Variants in PTPRN2 observed in about 807,000 individuals in gnomAD.
The protein encoded by PTPRN2 is receptor-type tyrosine-protein phosphatase N2.
In PTPRN2, 74 loss-of-function variants were observed where a neutral mutation model predicts 118.8. The ratio of observed to expected loss-of-function variants is 0.62; its 90% CI spans 0.52 to 0.76. The LOEUF (loss-of-function observed/expected upper bound fraction) is 0.76, where lower values mean the gene tolerates loss of function less well. Among genes scored for constraint, PTPRN2 ranks in the 30% least tolerant of loss-of-function variants. The probability of loss-of-function intolerance (pLI) is 0.00; values close to 1 mark genes in which losing one functional copy is unlikely to be tolerated. For synonymous variants in PTPRN2, 641 were observed against 608.0 expected (o/e 1.05, Z -0.80); for missense variants, 1,481 against 1,394.4 (o/e 1.06, Z -0.99).
At chr7:158,149,884 A>G (rs1212792359) in intron 6 of PTPRN2, among the ~76,000 whole-genome samples, 1 of 152,116 alleles carries the variant, frequency 6.6e-6, no homozygotes, top group African/African-American at 2.4e-5. Flanking sequence ...GATCTAAGTT[A>G]TGCTGAACAA....
At chr7:157,898,229 T>G (rs149898618) in intron 12 of PTPRN2, among the ~76,000 whole-genome samples, 1 of 152,380 alleles carries the variant, frequency 6.6e-6, no homozygotes, top group African/African-American at 2.4e-5. Flanking sequence ...ATGGAAGCAT[T>G]TCCTGTTTTA....
chr7:158,511,121 C>T (rs1482498421), intron 1 of PTPRN2, among the ~76,000 whole-genome samples: 1 of 152,182 alleles, frequency 6.6e-6, no homozygotes, highest in Non-Finnish European at 1.5e-5. Flanking sequence ...TTTCTGGCAC[C>T]TTTGACCCTG....
At chr7:157,670,986 T>C (rs1434220536) in intron 13 of PTPRN2, among the ~76,000 whole-genome samples, 1 of 152,100 alleles carries the variant, frequency 6.6e-6, no homozygotes, top group Non-Finnish European at 1.5e-5. Context: ...TCATGTGCCA[T>C]CCCTGTCATC....
intron 12 of PTPRN2, among the ~76,000 whole-genome samples, chr7:157,716,134 G>T (rs113905697): frequency 2.6e-5 from 4 of 152,380 alleles, no homozygotes; most frequent in African/African-American, 9.6e-5. Flanking sequence ...GGGGTGGGAG[G>T]TGGTGCCAGG....
chr7:158,132,639 CAG>C (rs1253421818), intron 9 of PTPRN2, among the ~76,000 whole-genome samples: 9 of 151,804 alleles, frequency 5.9e-5, no homozygotes, highest in Admixed American at 1.3e-4. Context: ...TACACAGATG[CAG>C]ATACACATCT....
rs191740301 is a variant in PTPRN2 at position 157,614,370 on chromosome 7, G to A, written c.2344+6992C>T. On this transcript the variant is annotated intron_variant, in intron 15 of 22. Transcript: ENST00000389418. Reference sequence around the variant, plus strand: ...CTACAGACTTCCACATGGAGAGTCTGTGATTGTTTGGAATGGGAAAGTGGT... The same window carrying A: ...CTACAGACTTCCACATGGAGAGTCTATGATTGTTTGGAATGGGAAAGTGGT... Among the ~76,000 whole-genome samples, 4 of 152,282 alleles carry A rather than the reference G, an allele frequency of 2.6e-5. No homozygotes were observed. The East Asian group carries it at 7.7e-4, about 29-fold the overall frequency.
At chr7:158,151,074 C>G (rs1409202146) in intron 6 of PTPRN2, among the ~76,000 whole-genome samples, 3 of 118,580 alleles carry the variant, frequency 2.5e-5, no homozygotes, top group Non-Finnish European at 5.5e-5. Flanking sequence ...CCTTTCCACT[C>G]TTGCCCCTGC....
rs1044515228 is a variant in PTPRN2, at chr7:158,555,090, A to G, written c.112+32468T>C. Among the ~76,000 whole-genome samples, 1 of 152,210 alleles carries G rather than the reference A, an allele frequency of 6.6e-6. No individual in the cohort carries two copies. The highest frequency in any genetic ancestry group is 1.5e-5 in the Non-Finnish European group (1 of 68,036). Reference sequence around the variant, plus strand: ...TGATACAGAGTCACACACCAGATGCACATTACAAAGAGCGTCACAGTGGAA... The same window carrying G: ...TGATACAGAGTCACACACCAGATGCGCATTACAAAGAGCGTCACAGTGGAA... On this transcript the variant is annotated intron_variant, in intron 1 of 22. Coordinates refer to ENST00000389418, the MANE Select transcript of PTPRN2 (RefSeq NM_002847.5). This position sits in a 1 kb window ranked among gnomAD's most constrained non-coding sequence, Gnocchi z 4.7.
chr7:158,575,395 G>T (rs1208891124), intron 1 of PTPRN2, among the ~76,000 whole-genome samples: 1 of 152,198 alleles, frequency 6.6e-6, no homozygotes, highest in Admixed American at 6.5e-5. Context: ...CAATAATGTA[G>T]TTGGCTAGCC....
chr7:158,441,408 AGTG>A (rs1322249843), intron 2 of PTPRN2, among the ~76,000 whole-genome samples: 2 of 116,308 alleles, frequency 1.7e-5, no homozygotes, highest in Admixed American at 8.2e-5. Context: ...TGGTCATGGT[AGTG>A]GTGGTGATGG....
At chr7:158,581,830 C>T (rs1363223412) in intron 1 of PTPRN2, among the ~76,000 whole-genome samples, 1 of 152,236 alleles carries the variant, frequency 6.6e-6, no homozygotes, top group Non-Finnish European at 1.5e-5. Context: ...AGAAGCCGTT[C>T]AAGACAAATG....
intron 10 of PTPRN2, among the ~76,000 whole-genome samples, chr7:158,103,028 T>C (rs754869271): frequency 1.3e-5 from 2 of 152,106 alleles, no homozygotes; most frequent in African/African-American, 2.4e-5. Flanking sequence ...AAATAAGCCA[T>C]CAGCAGGACC....
At chr7:158,149,790 C>T (rs1241159074) in intron 6 of PTPRN2, among the ~76,000 whole-genome samples, 1 of 134,084 alleles carries the variant, frequency 7.5e-6, no homozygotes, top group African/African-American at 2.8e-5. Context: ...AGTGACAGAG[C>T]AAGAGTCCAT....
At chr7:158,469,735 CAAAAAAAAA>C (rs56040599) in intron 2 of PTPRN2, among the ~76,000 whole-genome samples, 1 of 67,518 alleles carries the variant, frequency 1.5e-5, no homozygotes, top group Non-Finnish European at 3.3e-5. Context: ...AAAACCTGGC[CAAAAAAAAA>C]AAAAAAAAAA....
chr7:157,878,091 A>G (rs1795887861), intron 12 of PTPRN2, among the ~76,000 whole-genome samples: 1 of 152,196 alleles, frequency 6.6e-6, no homozygotes, highest in Non-Finnish European at 1.5e-5. Flanking sequence ...AGGCTCAGAC[A>G]AGCCCATCTC....
At chr7:157,797,146 A>T (rs1401608059) in intron 12 of PTPRN2, among the ~76,000 whole-genome samples, 2 of 152,202 alleles carry the variant, frequency 1.3e-5, no homozygotes, top group African/African-American at 4.8e-5. Context: ...CGGATTTATC[A>T]CTATAAAGCA....
intron 9 of PTPRN2, among the ~76,000 whole-genome samples, chr7:158,122,236 G>A (rs1817231087): frequency 6.6e-6 from 1 of 152,210 alleles, no homozygotes; most frequent in African/African-American, 2.4e-5. Flanking sequence ...TCTCTCTAGA[G>A]TCTTTCAGTT....
At chr7:158,270,983 C>A (rs1300707317) in intron 3 of PTPRN2, among the ~76,000 whole-genome samples, 2 of 110,100 alleles carry the variant, frequency 1.8e-5, no homozygotes, top group African/African-American at 3.4e-5. Flanking sequence ...CCACCCCCTC[C>A]ACCTGGGCCT....
At chr7:157,942,022 G>A (rs562121528) in intron 11 of PTPRN2, among the ~76,000 whole-genome samples, 5 of 146,374 alleles carry the variant, frequency 3.4e-5, no homozygotes, top group South Asian at 4.3e-4. Context: ...GCACACCTTC[G>A]CACACGGGGG....
Sources: gnomAD v4.1 joint callset for allele counts (sites outside exome capture counted in the v4.1 genomes callset) on GRCh38, gnomAD v4.1.1 for gene constraint, Gnocchi (gnomAD v3.1) non-coding constraint, MANE v1.5 for transcripts, NCBI Gene and HGNC (gene_info 2026-07-23, HGNC 2026-07-21) for gene names.